The following SLC17A5 variants were observed in gnomAD, a reference collection of about 807,000 sequenced individuals.
The protein encoded by SLC17A5 is solute carrier family 17 member 5.
SLC17A5 carries 47 observed loss-of-function variants against 59.4 expected under a neutral mutation model. The ratio of observed to expected loss-of-function variants is 0.79; its 90% CI spans 0.63 to 1.01. The LOEUF (loss-of-function observed/expected upper bound fraction) is 1.01, where lower values mean the gene tolerates loss of function less well. Among genes scored for constraint, SLC17A5 ranks in the 50% least tolerant of loss-of-function variants. SLC17A5 has a pLI of 0.00. For synonymous variants in SLC17A5, 202 were observed against 210.7 expected (o/e 0.96, Z 0.36); for missense variants, 522 against 595.5 (o/e 0.88, Z 1.28).
At chr6:73,608,636 G>A (rs1313476841) in intron 9 of SLC17A5, among the ~76,000 whole-genome samples, 1 of 152,138 alleles carries the variant, frequency 6.6e-6, no homozygotes, top group East Asian at 1.9e-4. Context: ...AACATCCTAA[G>A]CGATAACATA....
intron 7 of SLC17A5, chr6:73,618,323 G>C (rs2150095265): frequency 4.4e-6 from 1 of 226,466 alleles, no homozygotes; most frequent in Non-Finnish European, 8.7e-6. Context: ...TTCTGGTTGT[G>C]ACGACCTACC....
At chr6:73,650,188 T>C (rs1399925905) in intron 1 of SLC17A5, among the ~76,000 whole-genome samples, 6 of 125,202 alleles carry the variant, frequency 4.8e-5, no homozygotes, top group Non-Finnish European at 8.1e-5. Flanking sequence ...AAGTGAGACC[T>C]TTTTTCTACA....
intron 8 of SLC17A5, among the ~76,000 whole-genome samples, chr6:73,612,059 C>T (rs1431829377): frequency 6.6e-6 from 1 of 152,150 alleles, no homozygotes; most frequent in Non-Finnish European, 1.5e-5. Context: ...GTTACCCAGG[C>T]TGGAGTGCAG....
At chr6:73,602,091 C>A (rs1183149215) in intron 9 of SLC17A5, among the ~76,000 whole-genome samples, 1 of 151,916 alleles carries the variant, frequency 6.6e-6, no homozygotes, top group Non-Finnish European at 1.5e-5. Context: ...TTGTTCTGTA[C>A]TAAGATACAT....
At chr6:73,642,986 A>G (rs1235874570) in intron 2 of SLC17A5, among the ~76,000 whole-genome samples, 1 of 152,166 alleles carries the variant, frequency 6.6e-6, no homozygotes, top group Non-Finnish European at 1.5e-5. Flanking sequence ...ACTCAGCAAC[A>G]TTATTAAAGT....
At chr6:73,597,484 A>G (rs555867160) in intron 10 of SLC17A5, among the ~76,000 whole-genome samples, 1 of 148,578 alleles carries the variant, frequency 6.7e-6, no homozygotes, top group African/African-American at 2.5e-5. Context: ...AAACAAAACA[A>G]AACAAAAAAA....
chr6:73,626,980 CA>C (rs1235857734), intron 6 of SLC17A5, among the ~76,000 whole-genome samples: 1 of 152,062 alleles, frequency 6.6e-6, no homozygotes, highest in Non-Finnish European at 1.5e-5. Context: ...CTAAGTTGAC[CA>C]GGCTGGTCTT....
At chr6:73,599,346 G>A (rs148053914) in intron 10 of SLC17A5, among the ~76,000 whole-genome samples, 2 of 152,212 alleles carry the variant, frequency 1.3e-5, no homozygotes, top group Admixed American at 1.3e-4. Flanking sequence ...AAGTAGCTGG[G>A]ACTACAGGTA....
At chr6:73,621,358 C>T (rs184308299) in intron 7 of SLC17A5, among the ~76,000 whole-genome samples, 1 of 152,172 alleles carries the variant, frequency 6.6e-6, no homozygotes, top group African/African-American at 2.4e-5. Context: ...GGTCTGGTCT[C>T]AAATGCCTGG....
rs1766802894 is a variant in SLC17A5 at position 73,596,452 on chromosome 6, T to C, written c.1351-1238A>G. ...AGTGTATAACCCTGTGGCATAAAAA[T>C]ATCAGACAGTTATCTAAATTTCTGG... On this transcript the variant is annotated intron_variant, in intron 10 of 10. Coordinates refer to ENST00000355773, the MANE Select transcript of SLC17A5 (RefSeq NM_012434.5). Among the ~76,000 whole-genome samples, 3 of 152,196 alleles carry C rather than the reference T, an allele frequency of 2.0e-5. No individual in the cohort carries two copies. In the South Asian group the frequency reaches 6.2e-4, roughly 32 times the overall value.
intron 6 of SLC17A5, among the ~76,000 whole-genome samples, chr6:73,624,699 C>A (rs906988590): frequency 6.6e-6 from 1 of 151,984 alleles, no homozygotes; most frequent in Non-Finnish European, 1.5e-5. Flanking sequence ...CATGGTGAAA[C>A]CCCGTCTCTA....
intron 7 of SLC17A5, among the ~76,000 whole-genome samples, chr6:73,617,363 C>T (rs1218595061): frequency 6.6e-6 from 1 of 151,848 alleles, no homozygotes; most frequent in Non-Finnish European, 1.5e-5. Context: ...GGTGGGATCA[C>T]ATCTATCATT....
intron 1 of SLC17A5, among the ~76,000 whole-genome samples, chr6:73,645,851 T>TGTGAGAG (rs1478374839): frequency 6.7e-6 from 1 of 150,258 alleles, no homozygotes. Flanking sequence ...AAAAGGATCA[T>TGTGAGAG]GTGAGAGGAG....
chr6:73,648,549 A>C (rs1769688992), intron 1 of SLC17A5, among the ~76,000 whole-genome samples: 1 of 152,202 alleles, frequency 6.6e-6, no homozygotes, highest in Non-Finnish European at 1.5e-5. Context: ...TCTTAGCTAT[A>C]ATATGTAGAG....
At chr6:73,628,813 T>A (rs557802544) in intron 6 of SLC17A5, among the ~76,000 whole-genome samples, 6 of 152,116 alleles carry the variant, frequency 3.9e-5, no homozygotes, top group Non-Finnish European at 8.8e-5. Flanking sequence ...GGACAAACTA[T>A]AAAAATTATT....
At chr6:73,648,375 CA>C (rs1330420232) in intron 1 of SLC17A5, among the ~76,000 whole-genome samples, 2 of 152,334 alleles carry the variant, frequency 1.3e-5, no homozygotes, top group Admixed American at 6.5e-5. Flanking sequence ...CCATCAAAAA[CA>C]AACATCAGCT....
intron 10 of SLC17A5, among the ~76,000 whole-genome samples, chr6:73,599,178 AT>A (rs1400975981): frequency 6.6e-6 from 1 of 151,694 alleles, no homozygotes; most frequent in African/African-American, 2.4e-5. Context: ...TGCGAAACTT[AT>A]TTTATTTTGT....
intron 2 of SLC17A5, among the ~76,000 whole-genome samples, chr6:73,642,277 C>T (rs1250134213): frequency 6.6e-6 from 1 of 152,130 alleles, no homozygotes; most frequent in African/African-American, 2.4e-5. Context: ...GGGAGGCTGC[C>T]GCCCCCCCGG....
intron 7 of SLC17A5, 139 bp from the exon 8 acceptor site, chr6:73,615,586 C>T (rs1026057415): frequency 4.6e-6 from 4 of 866,618 alleles, no homozygotes; most frequent in Non-Finnish European, 1.8e-6. Flanking sequence ...AATATAATTA[C>T]AGTAAATAAG....
Sources: gnomAD v4.1 joint callset for allele counts (sites outside exome capture counted in the v4.1 genomes callset) on GRCh38, gnomAD v4.1.1 for gene constraint, MANE v1.5 for transcripts, NCBI Gene and HGNC (gene_info 2026-07-23, HGNC 2026-07-21) for gene names.